Variants in SMCO2 observed in about 807,000 individuals in gnomAD.
The protein encoded by SMCO2 is single-pass membrane and coiled-coil domain-containing protein 2.
A neutral mutation model predicts 29.5 loss-of-function variants in SMCO2; 25 were observed. That is an observed-to-expected ratio of 0.85 (90% confidence interval 0.62 to 1.18). The LOEUF (loss-of-function observed/expected upper bound fraction) is 1.18, where lower values mean the gene tolerates loss of function less well. Ranked by LOEUF, SMCO2 falls within the 50% of genes most tolerant of loss-of-function variation. SMCO2 has a pLI of 0.00. For synonymous variants in SMCO2, 117 were observed against 123.3 expected, an observed-to-expected ratio of 0.95 and a Z score of 0.34; for missense variants, 348 against 344.5, an observed-to-expected ratio of 1.01 and a Z score of -0.08.
chr12:27,459,542 A>G, the SMCO2 span, among the ~76,000 whole-genome samples: 1 of 152,208 alleles, frequency 6.6e-6, no homozygotes, highest in Non-Finnish European at 1.5e-5. Context: ...CTGGGTGACA[A>G]AATAACCTGT....
the SMCO2 span, among the ~76,000 whole-genome samples, chr12:27,460,540 A>G: frequency 6.6e-6 from 1 of 152,098 alleles, no homozygotes; most frequent in Non-Finnish European, 1.5e-5. Flanking sequence ...GGTGAGTCAT[A>G]AAGGTCTTCA....
At chr12:27,466,934 T>C (rs894275724) in exon 1 of SMCO2, 3 of 152,258 alleles carry the variant, frequency 2.0e-5, no homozygotes, top group African/African-American at 7.2e-5. Context: ...AACTTACAGA[T>C]ATTTGGGATT....
At chr12:27,487,338 A>G (rs1447949365) in intron 4 of SMCO2, among the ~76,000 whole-genome samples, 2 of 151,762 alleles carry the variant, frequency 1.3e-5, no homozygotes, top group Non-Finnish European at 2.9e-5. Flanking sequence ...TCCTTCTGAG[A>G]TTGGCTTTTT....
rs1192974568 is a variant in SMCO2 at position 27,470,670 on chromosome 12, T to A, written c.39T>A (p.Ser13=). The A allele has an allele frequency of 1.9e-6, 3 of 1,551,084 alleles. No homozygotes were observed. In the African/African-American group the frequency reaches 4.1e-5, roughly 21 times the overall value. Reference sequence around the variant, plus strand: ...CCACAAACCTAAATAACAAAATGTCTCTGCAGATGAAGATGGACTGCCAGG... The same window carrying A: ...CCACAAACCTAAATAACAAAATGTCACTGCAGATGAAGATGGACTGCCAGG... Residue 13 remains serine, a synonymous_variant, in exon 2 of 8, where the codon TCT becomes TCA. Coordinates refer to ENST00000298876, the Ensembl canonical transcript of SMCO2.
intron 4 of SMCO2, among the ~76,000 whole-genome samples, chr12:27,481,376 GA>G (rs1370926930): frequency 6.6e-6 from 1 of 152,248 alleles, no homozygotes; most frequent in African/African-American, 2.4e-5. Flanking sequence ...GACCACTAGG[GA>G]TCTCTTACCT....
At chr12:27,490,393 G>T (rs1949725362) in intron 5 of SMCO2, among the ~76,000 whole-genome samples, 1 of 152,186 alleles carries the variant, frequency 6.6e-6, no homozygotes, top group South Asian at 2.1e-4. Context: ...AGGGGTATAA[G>T]GAAATTTAGG....
At chr12:27,490,189 A>G (rs2135569923) in intron 5 of SMCO2, among the ~76,000 whole-genome samples, 1 of 152,320 alleles carries the variant, frequency 6.6e-6, no homozygotes, top group Non-Finnish European at 1.5e-5. Flanking sequence ...AAAGGAACAA[A>G]CTTCTGATTG....
chr12:27,472,724 C>A (rs79136526), intron 2 of SMCO2, 52 bp from the exon 3 acceptor site: 29,237 of 1,399,822 alleles, frequency 0.021, 389 homozygotes, highest in Non-Finnish European at 0.024. Context: ...CAGGCCCAAG[C>A]TCTGGCCCAA....
chr12:27,495,759 G>A (rs1942992330), exon 7 of SMCO2: 3 of 1,541,006 alleles, frequency 1.9e-6, no homozygotes, highest in Non-Finnish European at 2.6e-6. Context: ...GACTCTCACA[G>A]TTCTGAGGAA....
chr12:27,438,927 A>C, the SMCO2 span, among the ~76,000 whole-genome samples: 2 of 151,816 alleles, frequency 1.3e-5, no homozygotes, highest in Admixed American at 1.3e-4. Flanking sequence ...AGACTTCTGC[A>C]CCTGCAATAC....
At chr12:27,435,168 T>G in the SMCO2 span, among the ~76,000 whole-genome samples, 1 of 151,674 alleles carries the variant, frequency 6.6e-6, no homozygotes, top group East Asian at 1.9e-4. Context: ...CTACTGACAT[T>G]TGTATAATTC....
chr12:27,485,389 A>G (rs1047343291), intron 4 of SMCO2, among the ~76,000 whole-genome samples: 3 of 151,576 alleles, frequency 2.0e-5, no homozygotes, highest in Admixed American at 6.6e-5. Flanking sequence ...TTTTAAAATA[A>G]CCTTATCTAC....
At chr12:27,456,099 C>T in the SMCO2 span, among the ~76,000 whole-genome samples, 17 of 152,198 alleles carry the variant, frequency 1.1e-4, no homozygotes, top group Non-Finnish European at 4.4e-5. Flanking sequence ...CCTGTAATCC[C>T]AGCTACTCGG....
chr12:27,428,844 TAC>T, the SMCO2 span, among the ~76,000 whole-genome samples: 2 of 110,014 alleles, frequency 1.8e-5, no homozygotes, highest in African/African-American at 6.7e-5. Context: ...TTTACAAAAC[TAC>T]ACTAAAATGG....
chr12:27,491,543 G>A lies in SMCO2; in HGVS notation c.451-2757G>A, dbSNP rs559348566. ...ATTCAGGGATTGATGATGAATAAAC[G>A]TGTTAAAAAATAGCTATACTGTATA... On this transcript the variant is annotated intron_variant, in intron 5 of 7. Coordinates refer to ENST00000298876, the Ensembl canonical transcript of SMCO2. Among the ~76,000 whole-genome samples the A allele has an allele frequency of 4.6e-5, 7 of 152,154 alleles. No individual in the cohort carries two copies. In the South Asian group the frequency reaches 6.2e-4, roughly 14 times the overall value.
chr12:27,473,787 T>G (rs1324751740), intron 3 of SMCO2, among the ~76,000 whole-genome samples: 1 of 152,204 alleles, frequency 6.6e-6, no homozygotes, highest in African/African-American at 2.4e-5. Context: ...AGTTTAAAAA[T>G]AGTTCTGTGA....
chr12:27,461,342 T>G, the SMCO2 span, among the ~76,000 whole-genome samples: 5,930 of 152,314 alleles, frequency 0.039, 135 homozygotes, highest in Non-Finnish European at 0.046. Flanking sequence ...GTGTACAGAT[T>G]ATTTCATCAT....
At chr12:27,447,229 G>A in the SMCO2 span, among the ~76,000 whole-genome samples, 2 of 152,074 alleles carry the variant, frequency 1.3e-5, no homozygotes, top group East Asian at 3.9e-4. Context: ...CCCTTCTTGA[G>A]CTACCTCACC....
At chr12:27,446,069 A>G in the SMCO2 span, among the ~76,000 whole-genome samples, 1 of 152,022 alleles carries the variant, frequency 6.6e-6, no homozygotes, top group Admixed American at 6.6e-5. Context: ...ACGCCCAGCT[A>G]CTTTTTGTAT....
Sources: allele counts gnomAD v4.1 joint callset (sites outside exome capture counted in the v4.1 genomes callset), GRCh38; gene constraint gnomAD v4.1.1; transcripts MANE v1.5; gene names NCBI Gene and HGNC (gene_info 2026-07-23, HGNC 2026-07-21).